Variants in AGBL3 observed in about 807,000 individuals in gnomAD.
AGBL3 encodes the protein AGBL carboxypeptidase 3.
In AGBL3, 68 loss-of-function variants were observed where a neutral mutation model predicts 94.5. That is an observed-to-expected ratio of 0.72 (90% CI 0.59 to 0.88). The LOEUF (loss-of-function observed/expected upper bound fraction) is 0.88, where lower values mean the gene tolerates loss of function less well. Among genes scored for constraint, AGBL3 ranks in the 40% least tolerant of loss-of-function variants. AGBL3 has a pLI of 0.00. For missense variants in AGBL3, 934 were observed against 1,103.8 expected (o/e 0.85, Z 2.18); for synonymous variants, 354 against 370.7 (o/e 0.95, Z 0.52).
intron 15 of AGBL3, among the ~76,000 whole-genome samples, chr7:135,088,096 G>T (rs1315138810): frequency 6.6e-6 from 1 of 151,832 alleles, no homozygotes. Flanking sequence ...TACAGTTTTT[G>T]ACTTAAAGTC....
At position 134,986,555 on chromosome 7, in the gene AGBL3, C is replaced by T. The variant is rs552742827; in HGVS notation, c.-206C>T. 2.0e-5 allele frequency: 3 copies of T among 152,312 alleles called. No homozygotes were observed. The highest frequency in any genetic ancestry group is 4.4e-5 in the Non-Finnish European group (3 of 68,194). The allele number at this position is 152,312 out of a possible 1,614,324, so 9.4% of individuals were successfully genotyped here. ...GAGTGTGGCTGGGGCTGCGGATCTC[C>T]AGCAGTGGCGTTACTTCTAGCGGCT... On this transcript the variant is annotated 5_prime_UTR_variant, in exon 1 of 17. The change creates a premature stop within an existing upstream ORF in the 5' untranslated region. Transcript: ENST00000436302.
intron 8 of AGBL3, among the ~76,000 whole-genome samples, chr7:135,040,808 A>G (rs1816771621): frequency 6.7e-6 from 1 of 148,972 alleles, no homozygotes; most frequent in East Asian, 1.9e-4. Context: ...AGGCAGACAG[A>G]TTGGAAAGAA....
At position 135,131,763 on chromosome 7, in the gene AGBL3, T is replaced by C. The variant is rs148016578; in HGVS notation, c.2343-3078T>C. Among the ~76,000 whole-genome samples the C allele has an allele frequency of 7.0e-3, 1,068 of 152,112 alleles. 15 individuals carry two copies. Among genetic ancestry groups the C allele is most frequent in the African/African-American group, 0.025 (1,018 of 41,530 alleles). ...CACAGAAAATCAGTGAAACAACTGG[T>C]TGTTTGAACAGATCAATAAAATTGA... is the stretch of plus-strand genomic sequence containing the variant. On this transcript the variant is annotated intron_variant, in intron 16 of 16. Transcript: ENST00000436302.
chr7:135,130,721 T>G (rs1828623213), intron 16 of AGBL3, among the ~76,000 whole-genome samples: 1 of 152,192 alleles, frequency 6.6e-6, no homozygotes, highest in African/African-American at 2.4e-5. Context: ...TCTATACCAC[T>G]GTAGTTCCAG....
At chr7:135,050,432 T>G (rs1817767173) in intron 11 of AGBL3, among the ~76,000 whole-genome samples, 1 of 151,976 alleles carries the variant, frequency 6.6e-6, no homozygotes, top group Non-Finnish European at 1.5e-5. Flanking sequence ...GCCCTCTGTT[T>G]CCTTATTGAT....
At chr7:135,045,412 G>A in intron 9 of AGBL3, 62 bp from the exon 10 acceptor site, 1 of 1,327,278 alleles carries the variant, frequency 7.5e-7, no homozygotes, top group Non-Finnish European at 1.1e-6. Flanking sequence ...GTTTTGCAAT[G>A]TACCTGCTAA....
chr7:135,127,977 T>C (rs1464656709), intron 16 of AGBL3, among the ~76,000 whole-genome samples: 1 of 152,002 alleles, frequency 6.6e-6, no homozygotes. Flanking sequence ...ATATACACCA[T>C]GGAATACTAT....
chr7:135,132,834 C>T (rs943833678), intron 16 of AGBL3, among the ~76,000 whole-genome samples: 74 of 152,136 alleles, frequency 4.9e-4, no homozygotes, highest in African/African-American at 1.7e-3. Context: ...AACCTTTTTC[C>T]TTTATAAATT....
rs959203204 is a variant in AGBL3 at position 135,115,494 on chromosome 7, T to G, written c.2225T>G (p.Val742Gly). Residue 742 changes from valine (V) to glycine (G), a missense_variant, in exon 16 of 17, where the codon GTT becomes GGT. Physicochemically the swap from Val to Gly is moderately radical, Grantham distance 109. Transcript: ENST00000436302. ...AGAAGCTACAAGGATAAAGGAATAG[T>G]TCAAACTCAAGAAATATTGCAGTAT... is the stretch of plus-strand genomic sequence containing the variant. ...EKRSYKDKGIVQTQEILQYLL... is the reference protein window; with the variant it reads ...EKRSYKDKGIGQTQEILQYLL... 14 of 1,551,244 alleles carry G rather than the reference T, an allele frequency of 9.0e-6. No individual in the cohort carries two copies. The African/African-American group carries it at 1.9e-4, about 21-fold the overall frequency.
At chr7:135,041,528 T>C (rs887264834) in intron 8 of AGBL3, among the ~76,000 whole-genome samples, 1 of 152,052 alleles carries the variant, frequency 6.6e-6, no homozygotes, top group South Asian at 2.1e-4. Context: ...TAAATAAGTG[T>C]CGGAACAATT....
chr7:135,047,912 T>G (rs1273783872), intron 11 of AGBL3, among the ~76,000 whole-genome samples: 1 of 152,020 alleles, frequency 6.6e-6, no homozygotes, highest in Non-Finnish European at 1.5e-5. Flanking sequence ...TTGCCTATGC[T>G]TTTGGTGTCG....
rs140141235 is a variant in AGBL3, at chr7:135,016,430, G to A, written c.311-622G>A. Among the ~76,000 whole-genome samples, 350 of 151,272 alleles carry A rather than the reference G, an allele frequency of 2.3e-3. 1 individual carries two copies. Among genetic ancestry groups the A allele is most frequent in the African/African-American group, 7.7e-3 (317 of 41,194 alleles). On this transcript the variant is annotated intron_variant, in intron 4 of 16. Coordinates refer to ENST00000436302, the MANE Select transcript of AGBL3 (RefSeq NM_178563.4). ...ATACTTGTTTGTCATCAAATTCTTC[G>A]TTCATTAAAAAAAAAAATACAAATA...
intron 3 of AGBL3, among the ~76,000 whole-genome samples, chr7:134,992,491 G>A (rs1810420938): frequency 1.3e-5 from 2 of 152,098 alleles, no homozygotes; most frequent in African/African-American, 4.8e-5. Context: ...CCCTACTACA[G>A]TGTAAGCTCA....
At chr7:135,038,593 C>A (rs1021578359) in intron 8 of AGBL3, among the ~76,000 whole-genome samples, 16 of 152,172 alleles carry the variant, frequency 1.1e-4, no homozygotes, top group Admixed American at 9.2e-4. Context: ...CTTAAACAGG[C>A]CTTCCACATC....
intron 15 of AGBL3, among the ~76,000 whole-genome samples, chr7:135,103,730 C>T (rs950783527): frequency 6.6e-6 from 1 of 152,134 alleles, no homozygotes; most frequent in Non-Finnish European, 1.5e-5. Flanking sequence ...TATAAATAAG[C>T]AGAGTCAGGC....
intron 15 of AGBL3, among the ~76,000 whole-genome samples, chr7:135,100,360 G>T (rs561575386): frequency 6.6e-6 from 1 of 152,176 alleles, no homozygotes; most frequent in South Asian, 2.1e-4. Flanking sequence ...AAATATAACA[G>T]ACAAACTTTA....
chr7:135,060,339 G>A (rs1356870611), intron 12 of AGBL3, among the ~76,000 whole-genome samples: 1 of 152,002 alleles, frequency 6.6e-6, no homozygotes, highest in African/African-American at 2.4e-5. Context: ...ACACATTGTG[G>A]AATGGTGAAA....
At chr7:135,002,626 C>G (rs1208394223) in intron 4 of AGBL3, among the ~76,000 whole-genome samples, 1 of 152,154 alleles carries the variant, frequency 6.6e-6, no homozygotes. Flanking sequence ...ATTTCAGGGT[C>G]TTAGAGGTTA....
At chr7:135,040,332 A>G (rs1180333064) in intron 8 of AGBL3, among the ~76,000 whole-genome samples, 2 of 152,208 alleles carry the variant, frequency 1.3e-5, no homozygotes, top group Non-Finnish European at 2.9e-5. Context: ...AGAAAACTAC[A>G]GACTAATATC....
Sources: gnomAD v4.1 joint callset for allele counts (sites outside exome capture counted in the v4.1 genomes callset) on GRCh38, gnomAD v4.1.1 for gene constraint, MANE v1.5 for transcripts, NCBI Gene and HGNC (gene_info 2026-07-23, HGNC 2026-07-21) for gene names.